The following HIP1 variants were observed in gnomAD, a reference collection of about 807,000 sequenced individuals.
The protein encoded by HIP1 is huntingtin interacting protein 1.
A neutral mutation model predicts 147.6 loss-of-function variants in HIP1; 65 were observed. The observed-to-expected ratio is 0.44, with a 90% confidence interval of 0.36 to 0.54. The LOEUF (loss-of-function observed/expected upper bound fraction) is 0.54, where lower values mean the gene tolerates loss of function less well. Ranked by LOEUF, HIP1 falls within the 20% of genes least tolerant of loss-of-function variation. The probability of loss-of-function intolerance (pLI) is 0.00; values close to 1 mark genes in which losing one functional copy is unlikely to be tolerated. For synonymous variants in HIP1, 479 were observed against 504.0 expected (o/e 0.95, Z 0.67); for missense variants, 1,061 against 1,299.6 (o/e 0.82, Z 2.82).
At chr7:75,593,172 T>C (rs1327852370) in intron 2 of HIP1, among the ~76,000 whole-genome samples, 1 of 152,172 alleles carries the variant, frequency 6.6e-6, no homozygotes, top group Non-Finnish European at 1.5e-5. Context: ...TCTTGCTATG[T>C]TGCCCAGGCT....
chr7:75,636,688 G>A (rs587606027), intron 1 of HIP1, among the ~76,000 whole-genome samples: 10 of 152,330 alleles, frequency 6.6e-5, no homozygotes, highest in Admixed American at 4.6e-4. Flanking sequence ...TGGATTGGGC[G>A]CTTGGCTGCT....
At chr7:75,687,687 G>A (rs149507510) in intron 1 of HIP1, among the ~76,000 whole-genome samples, 6 of 152,220 alleles carry the variant, frequency 3.9e-5, no homozygotes, top group East Asian at 1.9e-4. Context: ...GCGGAACTCC[G>A]TCTCAAACAA....
rs587617447 is a variant in HIP1 at position 75,538,731 on chromosome 7, C to T, written c.3062-507G>A. Among the ~76,000 whole-genome samples, 690 of 152,188 alleles carry T rather than the reference C, an allele frequency of 4.5e-3. 3 individuals carry two copies. The highest frequency in any genetic ancestry group is 0.016 in the African/African-American group (652 of 41,544). On this transcript the variant is annotated intron_variant, in intron 30 of 30. Coordinates refer to ENST00000336926, the MANE Select transcript of HIP1 (RefSeq NM_005338.7). ...CTGGGACTACAGGCGCCCACCACCA[C>T]GCCAGGCTAATTTTTTGTATTTTTA...
At chr7:75,607,227 TGTTTTG>T (rs377664447) in intron 1 of HIP1, among the ~76,000 whole-genome samples, 9 of 137,850 alleles carry the variant, frequency 6.5e-5, no homozygotes, top group South Asian at 2.3e-4. Flanking sequence ...AGTTGTTTTT[TGTTTTG>T]TTTTTTTTTT....
intron 1 of HIP1, among the ~76,000 whole-genome samples, chr7:75,647,798 G>A (rs1249371692): frequency 2.6e-5 from 4 of 152,212 alleles, no homozygotes; most frequent in Admixed American, 2.6e-4. Flanking sequence ...ACATGTGGAC[G>A]GAGCTGTGAA....
At chr7:75,539,219 CG>C in intron 30 of HIP1, 103 bp downstream of exon 30, 1 of 745,274 alleles carries the variant, frequency 1.3e-6, no homozygotes, top group East Asian at 2.5e-5. Flanking sequence ...AAGAAGCCAC[CG>C]ATCTGGTGGG....
rs191975973 is a variant in HIP1 at position 75,602,190 on chromosome 7, A to T, written c.121-2943T>A. Among the ~76,000 whole-genome samples, 169 of 150,754 alleles carry T rather than the reference A, an allele frequency of 1.1e-3. 1 individual carries two copies. The highest frequency in any genetic ancestry group is 6.8e-3 in the Middle Eastern group (2 of 294). On this transcript the variant is annotated intron_variant, in intron 1 of 30. Transcript: ENST00000336926. ...TAATTTTTATATTTTTAGTAGAGACAGGGTTTCGCTATGTTGACCATCCTG... is the reference window on the plus strand; with the variant it reads ...TAATTTTTATATTTTTAGTAGAGACTGGGTTTCGCTATGTTGACCATCCTG...
At chr7:75,674,783 G>A (rs1383381985) in intron 1 of HIP1, among the ~76,000 whole-genome samples, 3 of 151,350 alleles carry the variant, frequency 2.0e-5, no homozygotes, top group South Asian at 4.2e-4. Context: ...GAGCCACCGT[G>A]CCAGGCCGGC....
chr7:75,581,406 T>A (rs1554498568), intron 6 of HIP1, 108 bp from the exon 7 acceptor site: 2 of 759,688 alleles, frequency 2.6e-6, no homozygotes, highest in African/African-American at 3.5e-5. Flanking sequence ...CTCATGTGCA[T>A]GCGCAAACAC....
intron 1 of HIP1, among the ~76,000 whole-genome samples, chr7:75,679,763 C>T (rs1193555862): frequency 6.6e-6 from 1 of 152,138 alleles, no homozygotes; most frequent in Non-Finnish European, 1.5e-5. Context: ...TGCACTCTCT[C>T]CCTTGGTGGT....
rs150619195 is a variant in HIP1 at position 75,566,926 on chromosome 7, A to G, written c.803+1273T>C. 3.9e-3 allele frequency among the ~76,000 whole-genome samples: 586 copies of G among 151,332 alleles called. 7 individuals carry two copies. The highest frequency in any genetic ancestry group is 0.018 in the South Asian group (86 of 4,830). On this transcript the variant is annotated intron_variant, in intron 9 of 30. Transcript: ENST00000336926. ...CAGGAGTTCCAGACCAGCCCGGCCA[A>G]CATGGTGAAATCCTGTCTCTACTAA...
At chr7:75,556,317 C>A (rs956508731) in intron 17 of HIP1, 148 bp from the exon 18 acceptor site, 26 of 1,026,014 alleles carry the variant, frequency 2.5e-5, no homozygotes, top group Non-Finnish European at 3.5e-5. Context: ...CGGGGACACA[C>A]TGATTGCAGT....
At chr7:75,709,599 A>G (rs992841606) in intron 1 of HIP1, among the ~76,000 whole-genome samples, 7 of 152,176 alleles carry the variant, frequency 4.6e-5, no homozygotes, top group Non-Finnish European at 8.8e-5. Flanking sequence ...GGATCACAGC[A>G]TTTAAAATAA....
intron 4 of HIP1, among the ~76,000 whole-genome samples, chr7:75,588,306 G>A (rs890651629): frequency 6.6e-6 from 1 of 152,090 alleles, no homozygotes; most frequent in Non-Finnish European, 1.5e-5. Context: ...GAAAGTAACC[G>A]AACATAAAGA....
At chr7:75,612,847 T>TA (rs1797493621) in intron 1 of HIP1, among the ~76,000 whole-genome samples, 1 of 151,966 alleles carries the variant, frequency 6.6e-6, no homozygotes. Context: ...AAAGAGGCTG[T>TA]AATCCCAGTA....
intron 1 of HIP1, among the ~76,000 whole-genome samples, chr7:75,709,436 CT>C (rs1801101673): frequency 6.6e-6 from 1 of 152,088 alleles, no homozygotes; most frequent in African/African-American, 2.4e-5. Flanking sequence ...CTTTTTGGTG[CT>C]ATTGTAAATG....
intron 1 of HIP1, among the ~76,000 whole-genome samples, chr7:75,606,620 G>A (rs1797234834): frequency 6.6e-6 from 1 of 152,002 alleles, no homozygotes; most frequent in Non-Finnish European, 1.5e-5. Context: ...TAGATGAGGG[G>A]AGGATAGCAG....
At chr7:75,726,050 A>C (rs1801641153) in intron 1 of HIP1, among the ~76,000 whole-genome samples, 1 of 151,986 alleles carries the variant, frequency 6.6e-6, no homozygotes, top group African/African-American at 2.4e-5. Flanking sequence ...TACCATGTTG[A>C]CCAGGCTGGT....
At chr7:75,659,978 T>C (rs1464897211) in intron 1 of HIP1, among the ~76,000 whole-genome samples, 1 of 150,966 alleles carries the variant, frequency 6.6e-6, no homozygotes, top group Non-Finnish European at 1.5e-5. Context: ...ATACAAAAAT[T>C]AGCTGGGCAT....
Sources: allele counts gnomAD v4.1 joint callset (sites outside exome capture counted in the v4.1 genomes callset), GRCh38; gene constraint gnomAD v4.1.1; transcripts MANE v1.5; gene names NCBI Gene and HGNC (gene_info 2026-07-23, HGNC 2026-07-21).